The following ARL15 variants were observed in gnomAD, a reference collection of about 807,000 sequenced individuals.
ARL15 encodes ARF like GTPase 15, also known as ADP-ribosylation factor-like protein 15.
In ARL15, 19 loss-of-function variants were observed where a neutral mutation model predicts 25.2. That is an observed-to-expected ratio of 0.75 (90% CI 0.53 to 1.10). The LOEUF is 1.10. Ranked by LOEUF, ARL15 falls within the 50% of genes least tolerant of loss-of-function variation. ARL15 has a pLI of 0.00. For synonymous variants in ARL15, 94 were observed against 86.8 expected, an observed-to-expected ratio of 1.08 and a Z score of -0.46; for missense variants, 220 against 246.0, an observed-to-expected ratio of 0.89 and a Z score of 0.71.
rs1243448947 is a variant in ARL15, at chr5:54,206,779, C to T, written c.49-34851G>A. On this transcript the variant is annotated intron_variant, in intron 1 of 4. Transcript: ENST00000504924. ...CGTCAGGGAAAGAGGAGAATAGAAA[C>T]ACAAGAAAATGTAAGGGCAGCCAAC... 2.0e-5 allele frequency among the ~76,000 whole-genome samples: 3 copies of T among 152,200 alleles called. No individual in the cohort carries two copies. The East Asian group carries it at 5.8e-4, about 29-fold the overall frequency.
intron 4 of ARL15, among the ~76,000 whole-genome samples, chr5:54,056,808 C>T (rs1750887381): frequency 6.6e-6 from 1 of 152,086 alleles, no homozygotes; most frequent in Non-Finnish European, 1.5e-5. Flanking sequence ...CTTTTACTAA[C>T]TGCTTATCTT....
intron 4 of ARL15, among the ~76,000 whole-genome samples, chr5:54,082,022 C>T (rs1380109247): frequency 2.7e-5 from 4 of 146,050 alleles, no homozygotes; most frequent in African/African-American, 7.6e-5. Flanking sequence ...ACCCAGGAGG[C>T]GGAGGTTGTA....
In ARL15 at chr5:54,154,623, T is replaced by A. The variant is rs368279922; in HGVS notation, c.210A>T (p.Ala70=). 13 of 1,526,248 alleles carry A rather than the reference T, an allele frequency of 8.5e-6. No individual in the cohort carries two copies. The African/African-American group carries it at 1.7e-4, about 20-fold the overall frequency. The allele number at this position is 1,526,248 out of a possible 1,614,324, so 94.5% of individuals were successfully genotyped here. The change falls in exon 3 of 5, where the codon GCA becomes GCT. Residue 70 remains alanine (A), a synonymous_variant. Coordinates refer to ENST00000504924, the MANE Select transcript of ARL15 (RefSeq NM_019087.3). ...TCAAGATGGCATTCTGGAATGGCAC[T>A]GCTTTAATACTAAAACCTAAAATTA... ...VVSTTGFSIK[A]VPFQNAILNV...
chr5:53,995,940 T>C (rs1196420864), intron 4 of ARL15, among the ~76,000 whole-genome samples: 3 of 152,282 alleles, frequency 2.0e-5, no homozygotes, highest in Non-Finnish European at 4.4e-5. Flanking sequence ...AAAGCTTCAT[T>C]ATGTGGTTTT....
chr5:54,010,508 GGA>G (rs1255697996), intron 4 of ARL15, among the ~76,000 whole-genome samples: 2 of 152,094 alleles, frequency 1.3e-5, no homozygotes, highest in African/African-American at 4.8e-5. Flanking sequence ...GACCATATCT[GGA>G]AGGGAACCAA....
At chr5:54,109,572 C>A (rs1579808389) in intron 4 of ARL15, among the ~76,000 whole-genome samples, 2 of 152,040 alleles carry the variant, frequency 1.3e-5, no homozygotes, top group South Asian at 4.1e-4. Flanking sequence ...TCTCATAAAA[C>A]CCTCCTGATC....
chr5:54,034,832 CTT>C (rs11374687), intron 4 of ARL15, among the ~76,000 whole-genome samples: 3 of 145,272 alleles, frequency 2.1e-5, no homozygotes. Context: ...AGCTAAATAA[CTT>C]TTTTTTTTTT....
intron 4 of ARL15, among the ~76,000 whole-genome samples, chr5:53,935,134 T>C (rs1746313433): frequency 6.6e-6 from 1 of 152,098 alleles, no homozygotes. Flanking sequence ...TCAGAGTAAA[T>C]AATGAAATCA....
At chr5:54,274,841 C>A (rs1757885180) in intron 1 of ARL15, among the ~76,000 whole-genome samples, 1 of 152,084 alleles carries the variant, frequency 6.6e-6, no homozygotes, top group South Asian at 2.1e-4. Context: ...TTGCAGTGAG[C>A]CCAGATTGCG....
chr5:54,131,471 T>C (rs1199845755), intron 3 of ARL15, among the ~76,000 whole-genome samples: 1 of 152,224 alleles, frequency 6.6e-6, no homozygotes, highest in Non-Finnish European at 1.5e-5. Flanking sequence ...AAATGCCATC[T>C]GTACCACAAA....
chr5:53,954,315 C>T (rs1037926799), intron 4 of ARL15, among the ~76,000 whole-genome samples: 2 of 152,218 alleles, frequency 1.3e-5, no homozygotes, highest in Non-Finnish European at 2.9e-5. Flanking sequence ...ATACCTTCCT[C>T]TGTCTTGGGA....
At chr5:54,276,905 C>A (rs911815973) in intron 1 of ARL15, among the ~76,000 whole-genome samples, 12 of 152,274 alleles carry the variant, frequency 7.9e-5, no homozygotes, top group African/African-American at 2.9e-4. Flanking sequence ...CCCAGAACGT[C>A]CAGAAAGAAC....
At chr5:54,169,539 C>A in intron 2 of ARL15, among the ~76,000 whole-genome samples, 1 of 152,282 alleles carries the variant, frequency 6.6e-6, no homozygotes, top group Non-Finnish European at 1.5e-5. Flanking sequence ...AGATTCCTAC[C>A]TGTCATATAA....
At chr5:53,941,542 A>C (rs1206202788) in intron 4 of ARL15, among the ~76,000 whole-genome samples, 2 of 152,224 alleles carry the variant, frequency 1.3e-5, no homozygotes, top group Non-Finnish European at 2.9e-5. Flanking sequence ...AAGATAAATG[A>C]TGCCCAATTC....
chr5:53,901,785 A>G (rs1369806181), intron 4 of ARL15, among the ~76,000 whole-genome samples: 1 of 152,236 alleles, frequency 6.6e-6, no homozygotes, highest in Non-Finnish European at 1.5e-5. Flanking sequence ...ATTACCAACA[A>G]TTGTGTCTGC....
chr5:54,239,356 A>G (rs909920275), intron 1 of ARL15, among the ~76,000 whole-genome samples: 2 of 152,144 alleles, frequency 1.3e-5, no homozygotes, highest in African/African-American at 4.8e-5. Context: ...ATCAGTTGGA[A>G]AAGACTCTTT....
intron 4 of ARL15, among the ~76,000 whole-genome samples, chr5:54,101,326 AAAT>A (rs1752431913): frequency 6.6e-6 from 1 of 152,162 alleles, no homozygotes; most frequent in Admixed American, 6.5e-5. Context: ...AAATAAAAAC[AAAT>A]AATGAAAGAA....
At chr5:54,024,373 C>T (rs194281) in intron 4 of ARL15, among the ~76,000 whole-genome samples, 108,229 of 152,080 alleles carry the variant, frequency 0.71, 38,908 homozygotes, top group East Asian at 0.85. Flanking sequence ...GGTACTTTTG[C>T]AGATTTGTGA....
intron 1 of ARL15, among the ~76,000 whole-genome samples, chr5:54,203,163 A>T (rs1755768647): frequency 6.6e-6 from 1 of 152,030 alleles, no homozygotes; most frequent in Non-Finnish European, 1.5e-5. Context: ...CCCTTACTAT[A>T]CTCAGCTCCC....
Sources: allele counts gnomAD v4.1 joint callset (sites outside exome capture counted in the v4.1 genomes callset), GRCh38; gene constraint gnomAD v4.1.1; transcripts MANE v1.5; gene names NCBI Gene and HGNC (gene_info 2026-07-23, HGNC 2026-07-21).